The following PARP8 variants were observed in gnomAD, a reference collection of about 807,000 sequenced individuals.
PARP8 encodes protein mono-ADP-ribosyltransferase PARP8.
A neutral mutation model predicts 124.1 loss-of-function variants in PARP8; 51 were observed. The observed-to-expected ratio is 0.41, with a 90% CI of 0.33 to 0.52. PARP8 has a LOEUF of 0.52. PARP8 is among the 20% of genes least tolerant of loss of function. The pLI is 0.21. For missense variants in PARP8, 860 were observed against 1,018.9 expected, an observed-to-expected ratio of 0.84 and a Z score of 2.12; for synonymous variants, 391 against 361.5, an observed-to-expected ratio of 1.08 and a Z score of -0.93.
At position 50,681,735 on chromosome 5, in the gene PARP8, A is replaced by G. The variant is rs540404461; in HGVS notation, c.146+13610A>G. On this transcript the variant is annotated intron_variant, in intron 2 of 25. Coordinates refer to ENST00000281631, the MANE Select transcript of PARP8 (RefSeq NM_024615.4). ...AGTTGAAGGACTAGGTAAAAAAGCA[A>G]ATATCATTTATTGTGATCATTAATG... Among the ~76,000 whole-genome samples the G allele has an allele frequency of 2.6e-5, 4 of 152,260 alleles. No homozygotes were observed. In the East Asian group the frequency reaches 5.8e-4, roughly 22 times the overall value.
intron 9 of PARP8, among the ~76,000 whole-genome samples, chr5:50,787,006 C>CT (rs1456191597): frequency 2.0e-5 from 3 of 152,120 alleles, no homozygotes; most frequent in African/African-American, 7.2e-5. Context: ...TCTTATCTGC[C>CT]TTTTCAAACC....
intron 2 of PARP8, among the ~76,000 whole-genome samples, chr5:50,703,814 G>A (rs1753840129): frequency 6.6e-6 from 1 of 152,022 alleles, no homozygotes; most frequent in Non-Finnish European, 1.5e-5. Context: ...TGGAGGCTGA[G>A]GTGGGAGGAT....
At chr5:50,684,652 C>T (rs1487721652) in intron 2 of PARP8, among the ~76,000 whole-genome samples, 1 of 152,158 alleles carries the variant, frequency 6.6e-6, no homozygotes, top group Non-Finnish European at 1.5e-5. Flanking sequence ...TAGGGCTAAA[C>T]TGATGTTACT....
At chr5:50,667,306 G>A in intron 1 of PARP8, 120 bp downstream of exon 1, 1 of 1,055,198 alleles carries the variant, frequency 9.5e-7, no homozygotes, top group Non-Finnish European at 1.4e-6. Flanking sequence ...GGTTCATTTG[G>A]CAACAGCTGC....
At chr5:50,819,747 G>T (rs1745553783) in intron 15 of PARP8, among the ~76,000 whole-genome samples, 1 of 151,942 alleles carries the variant, frequency 6.6e-6, no homozygotes, top group East Asian at 1.9e-4. Flanking sequence ...GCCCAACAAG[G>T]CTATTTTATC....
chr5:50,738,925 AG>A, intron 2 of PARP8: 1 of 699,688 alleles, frequency 1.4e-6, no homozygotes, highest in Non-Finnish European at 2.6e-6. Context: ...AGTTTACATC[AG>A]GGCTCTGCCT....
At chr5:50,741,440 C>T in intron 2 of PARP8, among the ~76,000 whole-genome samples, 1 of 152,118 alleles carries the variant, frequency 6.6e-6, no homozygotes, top group East Asian at 1.9e-4. Flanking sequence ...TTTAAAAATA[C>T]CATTATAAAG....
At chr5:50,835,254 C>A (rs1747438178) in intron 25 of PARP8, among the ~76,000 whole-genome samples, 2 of 152,268 alleles carry the variant, frequency 1.3e-5, no homozygotes, top group Admixed American at 6.5e-5. Flanking sequence ...AAAAAAAACA[C>A]CATCTTAGTC....
At chr5:50,708,094 T>G (rs1394469670) in intron 2 of PARP8, among the ~76,000 whole-genome samples, 1 of 152,162 alleles carries the variant, frequency 6.6e-6, no homozygotes, top group African/African-American at 2.4e-5. Flanking sequence ...TTAGCTTGTA[T>G]TTTGCTGTGT....
chr5:50,759,110 G>A (rs917069383), intron 3 of PARP8, among the ~76,000 whole-genome samples: 9 of 152,012 alleles, frequency 5.9e-5, no homozygotes, highest in Non-Finnish European at 1.5e-5. Flanking sequence ...TAGAGATGGG[G>A]GTTTCACCAT....
chr5:50,807,018 C>A (rs1322959288), intron 14 of PARP8, among the ~76,000 whole-genome samples: 4 of 151,498 alleles, frequency 2.6e-5, no homozygotes, highest in Non-Finnish European at 5.9e-5. Flanking sequence ...AATTCTATGC[C>A]TATTCTATTT....
intron 14 of PARP8, among the ~76,000 whole-genome samples, chr5:50,808,108 G>A (rs1265558125): frequency 2.6e-5 from 4 of 151,836 alleles, no homozygotes; most frequent in African/African-American, 9.7e-5. Flanking sequence ...CCAGTTTTAG[G>A]TGTTAACCAA....
rs188755641 is a variant in PARP8, at chr5:50,845,322, A to G, written c.*3254A>G. 3 of 151,846 alleles carry G rather than the reference A, an allele frequency of 2.0e-5. No homozygotes were observed. The highest frequency in any genetic ancestry group is 3.9e-4 in the East Asian group (2 of 5,154). The allele number at this position is 151,846 out of a possible 1,614,324, so 9.4% of individuals were successfully genotyped here. On this transcript the variant is annotated 3_prime_UTR_variant, in exon 26 of 26. Coordinates refer to ENST00000281631, the MANE Select transcript of PARP8 (RefSeq NM_024615.4). ...AACTCATCTTCATTAAAGAGTCTGGATAACTTCATCAGATGGTAATTTAAT... is the reference window on the plus strand; with the variant it reads ...AACTCATCTTCATTAAAGAGTCTGGGTAACTTCATCAGATGGTAATTTAAT...
intron 14 of PARP8, among the ~76,000 whole-genome samples, chr5:50,799,180 C>G (rs1466854114): frequency 6.6e-6 from 1 of 152,168 alleles, no homozygotes; most frequent in East Asian, 1.9e-4. Flanking sequence ...ATGTTTCCCT[C>G]TAAGAATTTC....
At chr5:50,768,719 T>C (rs1487232095) in intron 7 of PARP8, among the ~76,000 whole-genome samples, 1 of 152,188 alleles carries the variant, frequency 6.6e-6, no homozygotes, top group African/African-American at 2.4e-5. Context: ...TGATTCTGCA[T>C]TTGCTATTCA....
intron 15 of PARP8, among the ~76,000 whole-genome samples, chr5:50,818,812 T>G (rs1745416304): frequency 6.6e-6 from 1 of 152,234 alleles, no homozygotes; most frequent in Non-Finnish European, 1.5e-5. Flanking sequence ...CTGTAACAGA[T>G]AAACCATAAA....
intron 2 of PARP8, among the ~76,000 whole-genome samples, chr5:50,670,390 G>A (rs537037508): frequency 3.0e-4 from 45 of 152,112 alleles, no homozygotes; most frequent in African/African-American, 9.4e-4. Context: ...TTACTATACC[G>A]TTTTCTTTTT....
At chr5:50,817,603 C>T (rs1398357233) in intron 15 of PARP8, among the ~76,000 whole-genome samples, 2 of 152,180 alleles carry the variant, frequency 1.3e-5, no homozygotes, top group Non-Finnish European at 2.9e-5. Flanking sequence ...ACCCCAAATA[C>T]TACTTCAACA....
chr5:50,682,368 A>G (rs192801885), intron 2 of PARP8, among the ~76,000 whole-genome samples: 1 of 152,304 alleles, frequency 6.6e-6, no homozygotes, highest in Admixed American at 6.5e-5. Flanking sequence ...TTCTACCAAG[A>G]ACATGAAAGT....
Sources: gnomAD v4.1 joint callset for allele counts (sites outside exome capture counted in the v4.1 genomes callset) on GRCh38, gnomAD v4.1.1 for gene constraint, MANE v1.5 for transcripts, NCBI Gene and HGNC (gene_info 2026-07-23, HGNC 2026-07-21) for gene names.